PSD3: variants seen among roughly 807,000 people sequenced by gnomAD.
PSD3 encodes the protein PH and SEC7 domain-containing protein 3.
In PSD3, 49 loss-of-function variants were observed where a neutral mutation model predicts 105.5. That is an observed-to-expected ratio of 0.46 (90% CI 0.37 to 0.59). PSD3 has a LOEUF of 0.59. Among genes scored for constraint, PSD3 ranks in the 20% least tolerant of loss-of-function variants. The pLI, the probability that PSD3 is intolerant of heterozygous loss-of-function variation, is 0.00. For synonymous variants in PSD3, 557 were observed against 457.8 expected (o/e 1.22, Z -2.77); for missense variants, 1,561 against 1,263.8 (o/e 1.24, Z -3.57).
intron 9 of PSD3, among the ~76,000 whole-genome samples, chr8:18,719,176 G>T (rs1234684934): frequency 1.3e-5 from 2 of 152,172 alleles, no homozygotes; most frequent in Admixed American, 6.5e-5. Flanking sequence ...CGAGTGTCTA[G>T]AAGGCACCCT....
intron 4 of PSD3, among the ~76,000 whole-genome samples, chr8:18,828,069 T>A (rs180832991): frequency 0.024 from 2,383 of 97,768 alleles, 22 homozygotes; most frequent in Non-Finnish European, 0.03. Context: ...ATATATATAT[T>A]TTTTTTTTTT....
intron 9 of PSD3, among the ~76,000 whole-genome samples, chr8:18,746,548 A>T (rs1320795726): frequency 6.6e-6 from 1 of 152,198 alleles, no homozygotes; most frequent in Non-Finnish European, 1.5e-5. Context: ...CCACCTTGCG[A>T]AGTGACCAAG....
chr8:18,593,475 C>T (rs978552664), intron 12 of PSD3, among the ~76,000 whole-genome samples: 2 of 152,126 alleles, frequency 1.3e-5, no homozygotes, highest in African/African-American at 4.8e-5. Flanking sequence ...CAGGAAACAA[C>T]AGGTGCTGGA....
intron 1 of PSD3, among the ~76,000 whole-genome samples, chr8:19,063,468 T>A (rs1828969304): frequency 6.6e-6 from 1 of 152,204 alleles, no homozygotes; most frequent in Non-Finnish European, 1.5e-5. Flanking sequence ...TTCGATTTCC[T>A]TAGCGCCTAT....
chr8:18,683,988 G>T, intron 9 of PSD3: 1 of 724,144 alleles, frequency 1.4e-6, no homozygotes, highest in Non-Finnish European at 2.5e-6. Context: ...CTTTCCAACC[G>T]TTCCAAGGCT....
chr8:18,620,418 G>C (rs1418583083), intron 11 of PSD3, among the ~76,000 whole-genome samples: 1 of 148,528 alleles, frequency 6.7e-6, no homozygotes, highest in Non-Finnish European at 1.5e-5. Flanking sequence ...ATATTTTATG[G>C]AGTTTGGAGG....
intron 8 of PSD3, among the ~76,000 whole-genome samples, chr8:18,790,423 C>A: frequency 6.6e-6 from 1 of 151,634 alleles, no homozygotes. Context: ...CTGCCTCAGC[C>A]TCCCAAGTAG....
intron 11 of PSD3, among the ~76,000 whole-genome samples, chr8:18,612,966 C>G (rs910775650): frequency 6.6e-5 from 10 of 152,058 alleles, no homozygotes; most frequent in Non-Finnish European, 1.0e-4. Context: ...GCAGCCATTA[C>G]TAGACGTGCA....
At chr8:18,553,546 A>C (rs1157007807) in intron 15 of PSD3, among the ~76,000 whole-genome samples, 3 of 152,220 alleles carry the variant, frequency 2.0e-5, no homozygotes, top group East Asian at 3.9e-4. Context: ...AGAAACTGGG[A>C]AAAATGGTCA....
rs112657807 is a variant in PSD3, at chr8:18,775,007, C to T, written c.2083-9469G>A. The T allele has an allele frequency of 3.6e-3, 1,634 of 455,642 alleles. 18 individuals are homozygous for T. The highest frequency in any genetic ancestry group is 0.03 in the African/African-American group (1,500 of 50,150). The allele number at this position is 455,642 out of a possible 1,614,324, so 28.2% of individuals were successfully genotyped here. A position where few individuals can be genotyped will look rare whatever the true frequency, so the allele number is the denominator to read the frequency against. On this transcript the variant is annotated intron_variant, in intron 8 of 15. Transcript: ENST00000327040. ...ACCTTTCAAAACCCTTTCTAAATCCCCTGTGCCCCTCCTCCTCCTACCTTC... is the reference window on the plus strand; with the variant it reads ...ACCTTTCAAAACCCTTTCTAAATCCTCTGTGCCCCTCCTCCTCCTACCTTC...
At chr8:18,957,468 C>T (rs1823647962) in intron 1 of PSD3, among the ~76,000 whole-genome samples, 1 of 152,058 alleles carries the variant, frequency 6.6e-6, no homozygotes, top group Non-Finnish European at 1.5e-5. Context: ...AAGGTAAGAA[C>T]ACCCTAGACA....
chr8:19,032,421 T>A (rs1294024814), intron 1 of PSD3, among the ~76,000 whole-genome samples: 3 of 152,084 alleles, frequency 2.0e-5, no homozygotes, highest in Admixed American at 1.3e-4. Context: ...GGTGGGAGGA[T>A]TGCTTGTGCT....
At position 18,527,354 on chromosome 8, in the gene PSD3, T is replaced by C. The variant is rs1439532128; in HGVS notation, c.*8389A>G. 1 of 152,712 alleles carries C rather than the reference T, an allele frequency of 6.5e-6. No individual in the cohort carries two copies. The highest frequency in any genetic ancestry group is 1.5e-5 in the Non-Finnish European group (1 of 68,056). 9.5% of individuals were successfully genotyped at this position (152,712 alleles called of 1,614,324 possible). A position where few individuals can be genotyped will look rare whatever the true frequency, so the allele number is the denominator to read the frequency against. On this transcript the variant is annotated 3_prime_UTR_variant, in exon 16 of 16. Transcript: ENST00000327040. ...TTTCTAAAGTTTGTACATTTACATG[T>C]ATCATATACATATTTTAAATCCTTC...
chr8:18,991,647 GTTAA>G (rs1357916207), intron 1 of PSD3, among the ~76,000 whole-genome samples: 1 of 152,288 alleles, frequency 6.6e-6, no homozygotes, highest in East Asian at 1.9e-4. Flanking sequence ...AACAAACAGT[GTTAA>G]TTAAGTTAGA....
chr8:19,065,265 A>T (rs973414540), intron 1 of PSD3, among the ~76,000 whole-genome samples: 2 of 152,174 alleles, frequency 1.3e-5, no homozygotes, highest in Non-Finnish European at 2.9e-5. Context: ...TATACAGAAG[A>T]TTTCTGTGAC....
intron 2 of PSD3, among the ~76,000 whole-genome samples, chr8:18,894,535 C>A (rs1819013990): frequency 6.6e-6 from 1 of 152,146 alleles, no homozygotes; most frequent in African/African-American, 2.4e-5. Flanking sequence ...CATTCAGAAG[C>A]AACTATGTCA....
chr8:18,802,948 T>C (rs1810836097), intron 6 of PSD3, among the ~76,000 whole-genome samples: 1 of 152,226 alleles, frequency 6.6e-6, no homozygotes, highest in Non-Finnish European at 1.5e-5. Context: ...ATGCTGACAT[T>C]CATTTTTATT....
intron 2 of PSD3, among the ~76,000 whole-genome samples, chr8:18,888,932 T>C (rs1818606744): frequency 6.6e-6 from 1 of 152,140 alleles, no homozygotes; most frequent in South Asian, 2.1e-4. Flanking sequence ...TGAGGAATTG[T>C]GAGCATCCCA....
At position 18,838,827 on chromosome 8, in the gene PSD3, A is replaced by AATAATC. The variant is rs1348445974; in HGVS notation, c.1634+28846_1634+28847insGATTAT. The stretch of plus-strand genomic sequence containing the variant: ...AAATAATAATAATAATAATAATAAT[A>AATAATC]ATAATAATAATAATAATAATAATGT... On this transcript the variant is annotated intron_variant, in intron 4 of 15. Transcript: ENST00000327040. Among the ~76,000 whole-genome samples, 5 of 146,928 alleles carry AATAATC rather than the reference A, an allele frequency of 3.4e-5. No individual in the cohort carries two copies. In the Admixed American group the frequency reaches 3.4e-4, roughly 10 times the overall value.
Sources: allele counts gnomAD v4.1 joint callset (sites outside exome capture counted in the v4.1 genomes callset), GRCh38; gene constraint gnomAD v4.1.1; transcripts MANE v1.5; gene names NCBI Gene and HGNC (gene_info 2026-07-23, HGNC 2026-07-21).